The following SCAMP1 variants were observed in gnomAD, a reference collection of about 807,000 sequenced individuals.
The protein encoded by SCAMP1 is secretory carrier-associated membrane protein 1.
Under a neutral mutation model 41.8 loss-of-function variants are expected in SCAMP1, and 15 were observed. The observed-to-expected ratio is 0.36, with a 90% confidence interval of 0.24 to 0.55. SCAMP1 has a LOEUF of 0.55. Among genes scored for constraint, SCAMP1 ranks in the 20% least tolerant of loss-of-function variants. The pLI is 0.86. For synonymous variants in SCAMP1, 135 were observed against 136.8 expected, an observed-to-expected ratio of 0.99 and a Z score of 0.09; for missense variants, 341 against 412.6, an observed-to-expected ratio of 0.83 and a Z score of 1.50.
intron 6 of SCAMP1, among the ~76,000 whole-genome samples, chr5:78,424,648 A>G (rs1752421588): frequency 6.6e-6 from 1 of 152,108 alleles, no homozygotes. Flanking sequence ...TGAACCCGGG[A>G]GGCAGAGGTT....
intron 1 of SCAMP1, among the ~76,000 whole-genome samples, chr5:78,370,333 A>T (rs1319932168): frequency 6.6e-6 from 1 of 152,250 alleles, no homozygotes; most frequent in Non-Finnish European, 1.5e-5. Context: ...GGTGTGGGAT[A>T]TAAAAGGTGA....
intron 8 of SCAMP1, among the ~76,000 whole-genome samples, chr5:78,469,310 A>T (rs1436609912): frequency 6.6e-6 from 1 of 152,102 alleles, no homozygotes; most frequent in Non-Finnish European, 1.5e-5. Flanking sequence ...CTAGGAATCA[A>T]TTCTGGATGG....
intron 1 of SCAMP1, among the ~76,000 whole-genome samples, chr5:78,387,275 C>T (rs1352687271): frequency 6.7e-6 from 1 of 149,540 alleles, no homozygotes; most frequent in Non-Finnish European, 1.5e-5. Context: ...TTTTTCATTT[C>T]TCTAAGTGTG....
intron 2 of SCAMP1, among the ~76,000 whole-genome samples, chr5:78,407,239 T>C (rs1472437488): frequency 6.6e-6 from 1 of 152,202 alleles, no homozygotes; most frequent in Non-Finnish European, 1.5e-5. Flanking sequence ...GTTCTGTTAG[T>C]GAGGGTCTAT....
chr5:78,367,132 C>T (rs1283815974), intron 1 of SCAMP1, among the ~76,000 whole-genome samples: 1 of 152,096 alleles, frequency 6.6e-6, no homozygotes, highest in Admixed American at 6.6e-5. Context: ...AATTCCTGCT[C>T]ATTTTTCCTC....
At chr5:78,384,183 T>G (rs1561254068) in intron 1 of SCAMP1, among the ~76,000 whole-genome samples, 4 of 150,428 alleles carry the variant, frequency 2.7e-5, no homozygotes, top group African/African-American at 9.8e-5. Context: ...TTTTTTTCTT[T>G]TTTTTTTTTT....
chr5:78,456,360 A>G (rs1165559182), intron 7 of SCAMP1, among the ~76,000 whole-genome samples: 2 of 140,500 alleles, frequency 1.4e-5, no homozygotes, highest in East Asian at 2.1e-4. Flanking sequence ...TCCTTCAGGA[A>G]CTCTTTTAGG....
chr5:78,365,279 C>T (rs112332433), intron 1 of SCAMP1, among the ~76,000 whole-genome samples: 4,308 of 151,782 alleles, frequency 0.028, 217 homozygotes, highest in African/African-American at 0.097. Flanking sequence ...TCGAGACCAG[C>T]CTGGCCAACA....
intron 6 of SCAMP1, among the ~76,000 whole-genome samples, chr5:78,440,160 G>C (rs1367406763): frequency 6.6e-6 from 1 of 152,084 alleles, no homozygotes; most frequent in African/African-American, 2.4e-5. Context: ...TCCTCCTTTA[G>C]CTCGGAGAAG....
In SCAMP1 at chr5:78,478,543, A is replaced by G. The variant is rs1173976370; in HGVS notation, c.*2875A>G. The G allele has an allele frequency of 6.6e-6, 1 of 152,216 alleles. No homozygotes were observed. Among genetic ancestry groups the G allele is most frequent in the Non-Finnish European group, 1.5e-5 (1 of 67,984 alleles). The allele number at this position is 152,216 out of a possible 1,614,324, so 9.4% of individuals were successfully genotyped here. ...ATATTTTGGCCCCTTTAAGGTCAAA[A>G]TACAGATCATCTAGAAGTTAGATTC... On this transcript the variant is annotated 3_prime_UTR_variant, in exon 9 of 9. Coordinates refer to ENST00000621999, the MANE Select transcript of SCAMP1 (RefSeq NM_004866.6).
intron 2 of SCAMP1, among the ~76,000 whole-genome samples, chr5:78,403,617 C>T (rs1277429798): frequency 6.6e-6 from 1 of 152,044 alleles, no homozygotes; most frequent in East Asian, 1.9e-4. Flanking sequence ...GTAGTGAGAT[C>T]ACATTGAGAT....
In SCAMP1 at chr5:78,476,278, T is replaced by C. The variant is rs1233929889; in HGVS notation, c.*610T>C. ...TAATTTGCATGGGCACCACATTTCTTATATTAAAAGAATTAGTGTTTTGGC... is the reference window on the plus strand; with the variant it reads ...TAATTTGCATGGGCACCACATTTCTCATATTAAAAGAATTAGTGTTTTGGC... On this transcript the variant is annotated 3_prime_UTR_variant, in exon 9 of 9. Transcript: ENST00000621999. 6.6e-6 allele frequency: 1 copy of C among 152,190 alleles called. No individual in the cohort carries two copies. Among genetic ancestry groups the C allele is most frequent in the Non-Finnish European group, 1.5e-5 (1 of 68,018 alleles). The allele number at this position is 152,190 out of a possible 1,614,324, so 9.4% of individuals were successfully genotyped here.
chr5:78,399,077 C>G (rs1355668462), intron 2 of SCAMP1, among the ~76,000 whole-genome samples: 3 of 152,102 alleles, frequency 2.0e-5, no homozygotes, highest in Non-Finnish European at 4.4e-5. Context: ...CATAATGTAG[C>G]CTTTCAGATT....
At chr5:78,441,649 A>G (rs1446474321) in intron 6 of SCAMP1, among the ~76,000 whole-genome samples, 2 of 152,164 alleles carry the variant, frequency 1.3e-5, no homozygotes, top group Non-Finnish European at 2.9e-5. Context: ...CCCCGTCTCT[A>G]CTAAAATTAC....
At chr5:78,439,191 A>C (rs912232641) in intron 6 of SCAMP1, among the ~76,000 whole-genome samples, 1 of 152,186 alleles carries the variant, frequency 6.6e-6, no homozygotes, top group Non-Finnish European at 1.5e-5. Flanking sequence ...GTGTCTTTCA[A>C]CTGGGGCATT....
At chr5:78,459,824 TG>T (rs1753539302) in intron 8 of SCAMP1, among the ~76,000 whole-genome samples, 1 of 152,198 alleles carries the variant, frequency 6.6e-6, no homozygotes, top group African/African-American at 2.4e-5. Context: ...ATGGTTATGT[TG>T]CATAATGCTG....
chr5:78,412,559 C>CATTGTGTAT (rs1317195827), intron 2 of SCAMP1, among the ~76,000 whole-genome samples: 1 of 152,060 alleles, frequency 6.6e-6, no homozygotes, highest in African/African-American at 2.4e-5. Flanking sequence ...TATGCACCAC[C>CATTGTGTAT]ATTGTGTATA....
At chr5:78,414,349 C>T (rs1752156709) in intron 2 of SCAMP1, among the ~76,000 whole-genome samples, 1 of 152,084 alleles carries the variant, frequency 6.6e-6, no homozygotes, top group Admixed American at 6.5e-5. Flanking sequence ...GTGGTGCGAT[C>T]TTAGCTCACT....
At chr5:78,409,464 T>C (rs1214299966) in intron 2 of SCAMP1, among the ~76,000 whole-genome samples, 1 of 151,276 alleles carries the variant, frequency 6.6e-6, no homozygotes, top group Non-Finnish European at 1.5e-5. Flanking sequence ...CACGCTCATC[T>C]GTCCCAGAGT....
Sources: allele counts gnomAD v4.1 joint callset (sites outside exome capture counted in the v4.1 genomes callset), GRCh38; gene constraint gnomAD v4.1.1; transcripts MANE v1.5; gene names NCBI Gene and HGNC (gene_info 2026-07-23, HGNC 2026-07-21).